Variants in MIOS observed in about 807,000 individuals in gnomAD.
MIOS encodes the protein meiosis regulator for oocyte development.
Under a neutral mutation model 96.9 loss-of-function variants are expected in MIOS, and 52 were observed. The ratio of observed to expected loss-of-function variants is 0.54; its 90% CI spans 0.43 to 0.68. MIOS has a LOEUF of 0.68. MIOS is among the 30% of genes least tolerant of loss of function. The pLI is 0.00. For missense variants in MIOS, 1,005 were observed against 1,052.8 expected (o/e 0.95, Z 0.63); for synonymous variants, 397 against 359.5 (o/e 1.10, Z -1.18).
chr7:7,569,044 C>T (rs1304632106), intron 3 of MIOS, among the ~76,000 whole-genome samples: 3 of 152,116 alleles, frequency 2.0e-5, no homozygotes, highest in Non-Finnish European at 2.9e-5. Flanking sequence ...TATAAAGAGT[C>T]GGGTTGTGGA....
chr7:7,588,374 T>C (rs1783951152), intron 7 of MIOS, 124 bp from the exon 8 acceptor site: 5 of 471,882 alleles, frequency 1.1e-5, no homozygotes, highest in Non-Finnish European at 1.8e-5. Flanking sequence ...GCAAGATAAA[T>C]ATAACTTATT....
At chr7:7,575,928 G>T (rs1399060837) in intron 5 of MIOS, among the ~76,000 whole-genome samples, 1 of 150,250 alleles carries the variant, frequency 6.7e-6, no homozygotes, top group Non-Finnish European at 1.5e-5. Context: ...CTACCCAAAG[G>T]TGAAAAGTAG....
chr7:7,569,945 G>A (rs1021118078), intron 3 of MIOS, among the ~76,000 whole-genome samples: 5 of 152,234 alleles, frequency 3.3e-5, no homozygotes, highest in Non-Finnish European at 7.3e-5. Flanking sequence ...CACAAGGCCG[G>A]TGCAGTAGGC....
Position 7,572,768 on chromosome 7 carries a change from C to T in MIOS, c.293C>T (p.Ser98Leu). 1 of 1,614,068 alleles carries T rather than the reference C, an allele frequency of 6.2e-7. No individual in the cohort carries two copies. Among genetic ancestry groups the T allele is most frequent in the Non-Finnish European group, 8.5e-7 (1 of 1,179,980 alleles). The part of the protein sequence containing the change: ...VLTSLGQDHN[S>L]KFKDLIGKEF... The stretch of plus-strand genomic sequence containing the variant: ...ACAAGCCTTGGTCAAGATCATAACT[C>T]AAAGTTCAAAGATTTGATAGGAAAA... Residue 98 changes from serine (S) to leucine (L), a missense_variant, in exon 4 of 13, where the codon TCA becomes TTA. This residue lies in a region of MIOS where 137 missense variants were observed against 148.6 expected (regional missense o/e 0.92). Coordinates refer to ENST00000340080, the MANE Select transcript of MIOS (RefSeq NM_019005.4). The surrounding 1 kb of genome is among the most constrained non-coding windows in gnomAD (Gnocchi z 4.8).
chr7:7,606,770 T>G (rs1343482029), intron 12 of MIOS, among the ~76,000 whole-genome samples: 1 of 152,198 alleles, frequency 6.6e-6, no homozygotes, highest in Non-Finnish European at 1.5e-5. Context: ...AATGCCATTT[T>G]GAAAAGTTGC....
intron 12 of MIOS, 48 bp from the exon 13 acceptor site, chr7:7,606,948 T>C: frequency 7.6e-7 from 1 of 1,310,658 alleles, no homozygotes; most frequent in Non-Finnish European, 1.1e-6. Context: ...AATAAATGTA[T>C]GTCTGTCTAA....
At chr7:7,579,363 G>C (rs1031627216) in intron 5 of MIOS, among the ~76,000 whole-genome samples, 10 of 152,160 alleles carry the variant, frequency 6.6e-5, no homozygotes, top group African/African-American at 2.4e-4. Context: ...CCTCCTAGCA[G>C]TGACCTCTTT....
At chr7:7,602,435 C>A (rs551511625) in intron 11 of MIOS, among the ~76,000 whole-genome samples, 5,036 of 152,018 alleles carry the variant, frequency 0.033, 127 homozygotes, top group Non-Finnish European at 0.048. Flanking sequence ...CAATAACAGA[C>A]AAACAGAGAG....
At chr7:7,591,268 C>G (rs1784040834) in intron 9 of MIOS, among the ~76,000 whole-genome samples, 1 of 150,314 alleles carries the variant, frequency 6.7e-6, no homozygotes, top group Non-Finnish European at 1.5e-5. Context: ...TGCTTGTCTC[C>G]CTGTCTGTGA....
intron 5 of MIOS, among the ~76,000 whole-genome samples, chr7:7,580,182 ATT>A (rs1370366869): frequency 6.6e-6 from 1 of 152,218 alleles, no homozygotes; most frequent in Non-Finnish European, 1.5e-5. Flanking sequence ...GACAATTTAA[ATT>A]TGTTATTCAG....
At chr7:7,595,262 T>C (rs1355834368) in intron 10 of MIOS, 130 bp downstream of exon 10, 3 of 996,106 alleles carry the variant, frequency 3.0e-6, no homozygotes, top group East Asian at 5.5e-5. Flanking sequence ...GACTGAACTT[T>C]GTCCTTGATC....
chr7:7,595,813 T>C (rs1296066816), intron 10 of MIOS, among the ~76,000 whole-genome samples: 1 of 152,228 alleles, frequency 6.6e-6, no homozygotes, highest in Non-Finnish European at 1.5e-5. Context: ...TCTATTGCTA[T>C]TATTCTAAAA....
chr7:7,606,174 G>T (rs766448286), intron 12 of MIOS, 103 bp downstream of exon 12: 14 of 1,450,746 alleles, frequency 9.7e-6, no homozygotes, highest in Middle Eastern at 1.8e-4. Context: ...GCCAAAGTAT[G>T]AATTTTATTT....
At chr7:7,580,955 G>A (rs1783700567) in intron 5 of MIOS, among the ~76,000 whole-genome samples, 2 of 149,608 alleles carry the variant, frequency 1.3e-5, no homozygotes, top group Admixed American at 1.3e-4. Flanking sequence ...CCAAAGTGCT[G>A]GGATTACAGG....
chr7:7,593,542 T>C (rs1288275756), intron 9 of MIOS, among the ~76,000 whole-genome samples: 3 of 152,152 alleles, frequency 2.0e-5, no homozygotes, highest in Non-Finnish European at 2.9e-5. Flanking sequence ...CTTTCTCTCC[T>C]TTCTCCATTA....
At position 7,607,857 on chromosome 7, in the gene MIOS, C is replaced by T. The variant is rs533191831; in HGVS notation, c.*765C>T. ...CAAAATTTTCACTTTCTACCTTTTG[C>T]CTTCCAATGTCCTGATTTGTCTTCA... On this transcript the variant is annotated 3_prime_UTR_variant, in exon 13 of 13. Transcript: ENST00000340080. The T allele has an allele frequency of 9.3e-4, 142 of 152,258 alleles. No homozygotes were observed. The highest frequency in any genetic ancestry group is 3.4e-3 in the Middle Eastern group (1 of 294). 9.4% of individuals were successfully genotyped at this position (152,258 alleles called of 1,614,324 possible).
At chr7:7,590,427 C>T (rs1784015207) in intron 9 of MIOS, among the ~76,000 whole-genome samples, 1 of 152,170 alleles carries the variant, frequency 6.6e-6, no homozygotes, top group African/African-American at 2.4e-5. Flanking sequence ...TAGATGGCTA[C>T]AGAGTGCAAA....
rs1783377574 is a variant in MIOS, at chr7:7,572,161, G to C, written c.-40-275G>C. On this transcript the variant is annotated intron_variant, in intron 3 of 12. Coordinates refer to ENST00000340080, the MANE Select transcript of MIOS (RefSeq NM_019005.4). The surrounding 1 kb of genome is among the most constrained non-coding windows in gnomAD (Gnocchi z 4.8). ...CTCTGAAGTTAAGCTGAAGGTACTA[G>C]TAACAGTGCAATTAAGATAATTGAT... is the stretch of plus-strand genomic sequence containing the variant. Among the ~76,000 whole-genome samples the C allele has an allele frequency of 6.6e-6, 1 of 152,202 alleles. No individual in the cohort carries two copies. Among genetic ancestry groups the C allele is most frequent in the South Asian group, 2.1e-4 (1 of 4,834 alleles).
chr7:7,583,376 T>C lies in MIOS; in HGVS notation c.1648+4T>C. The C allele has an allele frequency of 6.3e-7, 1 of 1,595,840 alleles. No homozygotes were observed. The highest frequency in any genetic ancestry group is 1.3e-5 in the African/African-American group (1 of 74,550). ...GAAGGGGCATCTTCTGAAAAAGGTA[T>C]TAGGTTATAAACTAAGATATTAGTT... On this transcript the variant is annotated splice_donor_region_variant and intron_variant, in intron 6 of 12. Coordinates refer to ENST00000340080, the MANE Select transcript of MIOS (RefSeq NM_019005.4).
Sources: gnomAD v4.1 joint callset for allele counts (sites outside exome capture counted in the v4.1 genomes callset) on GRCh38, gnomAD v4.1.1 for gene constraint, gnomAD v4.1.1 regional missense constraint, Gnocchi (gnomAD v3.1) non-coding constraint, MANE v1.5 for transcripts, NCBI Gene and HGNC (gene_info 2026-07-23, HGNC 2026-07-21) for gene names.